Variants in ERC2 observed in about 807,000 individuals in gnomAD.
ERC2 encodes the protein ELKS/RAB6-interacting/CAST family member 2, also known as ERC protein 2.
Under a neutral mutation model 114.8 loss-of-function variants are expected in ERC2, and 42 were observed. The ratio of observed to expected loss-of-function variants is 0.37; its 90% confidence interval spans 0.29 to 0.47. The LOEUF is 0.47. Among genes scored for constraint, ERC2 ranks in the 20% least tolerant of loss-of-function variants. ERC2 has a pLI of 0.99. For missense variants in ERC2, 939 were observed against 1,150.7 expected (o/e 0.82, Z 2.66); for synonymous variants, 454 against 425.5 (o/e 1.07, Z -0.82).
intron 7 of ERC2, among the ~76,000 whole-genome samples, chr3:56,067,707 A>G (rs1384496942): frequency 6.6e-6 from 1 of 152,170 alleles, no homozygotes; most frequent in African/African-American, 2.4e-5. Context: ...ATTTTGAGAT[A>G]TGTTCCACCA....
intron 2 of ERC2, among the ~76,000 whole-genome samples, chr3:56,333,667 C>T (rs1489430666): frequency 1.3e-5 from 2 of 152,044 alleles, no homozygotes; most frequent in African/African-American, 4.8e-5. Context: ...TCATTTTCTT[C>T]TTTATATATT....
intron 17 of ERC2, among the ~76,000 whole-genome samples, chr3:55,646,135 T>C (rs1461544796): frequency 6.6e-6 from 1 of 152,220 alleles, no homozygotes; most frequent in African/African-American, 2.4e-5. Flanking sequence ...TGCAATTCTG[T>C]AATAGTGAAT....
intron 17 of ERC2, among the ~76,000 whole-genome samples, chr3:55,641,619 T>C (rs942059593): frequency 2.0e-5 from 3 of 149,412 alleles, no homozygotes; most frequent in South Asian, 2.1e-4. Flanking sequence ...ATAGTTTGAA[T>C]TGATGCAAGA....
rs570568843 is a variant in ERC2 at position 55,564,201 on chromosome 3, T to A, written c.*40-52925A>T. Among the ~76,000 whole-genome samples, 4 of 152,254 alleles carry A rather than the reference T, an allele frequency of 2.6e-5. No homozygotes were observed. The South Asian group carries it at 6.2e-4, about 24-fold the overall frequency. Reference sequence around the variant, plus strand: ...GCCTGATGTTTTGAAGACGGAGAGATCTGTTATTATTTGGAACTAGGAAGG... The same window carrying A: ...GCCTGATGTTTTGAAGACGGAGAGAACTGTTATTATTTGGAACTAGGAAGG... On this transcript the variant is annotated intron_variant, in intron 17 of 17. Coordinates refer to ENST00000288221, the MANE Select transcript of ERC2 (RefSeq NM_015576.3).
intron 13 of ERC2, among the ~76,000 whole-genome samples, chr3:55,915,710 T>G (rs1268951650): frequency 6.6e-6 from 1 of 152,130 alleles, no homozygotes; most frequent in Admixed American, 6.5e-5. Context: ...TCACTAGTAG[T>G]ACATGTATAC....
intron 3 of ERC2, among the ~76,000 whole-genome samples, chr3:56,207,042 G>C (rs2048776380): frequency 6.6e-6 from 1 of 152,164 alleles, no homozygotes; most frequent in Non-Finnish European, 1.5e-5. Flanking sequence ...GAGAGGTAAA[G>C]CATTTAGAAT....
chr3:56,259,004 G>C (rs1430132256), intron 3 of ERC2, among the ~76,000 whole-genome samples: 1 of 110,412 alleles, frequency 9.1e-6, no homozygotes, highest in Non-Finnish European at 1.9e-5. Context: ...ACTGAGTTTT[G>C]CTCTTGTTGC....
At chr3:56,030,873 C>T (rs534240951) in intron 7 of ERC2, among the ~76,000 whole-genome samples, 75 of 152,256 alleles carry the variant, frequency 4.9e-4, no homozygotes, top group African/African-American at 1.8e-3. Context: ...GTCAGCCCTT[C>T]CTGAATCCCA....
intron 10 of ERC2, among the ~76,000 whole-genome samples, chr3:55,993,680 C>CA (rs138895783): frequency 0.18 from 26,027 of 145,436 alleles, 2,444 homozygotes; most frequent in South Asian, 0.25. Flanking sequence ...CTCAATTACA[C>CA]AAAAAAAAAA....
intron 14 of ERC2, among the ~76,000 whole-genome samples, chr3:55,829,001 C>G (rs2060456476): frequency 6.6e-6 from 1 of 152,014 alleles, no homozygotes; most frequent in Non-Finnish European, 1.5e-5. Flanking sequence ...TGTGATGGGA[C>G]ATGCCTGCAG....
chr3:56,446,625 C>CTTTTTTTTTTTTTTTTTTTTTTT (rs1318263302), intron 1 of ERC2, among the ~76,000 whole-genome samples: 1 of 112,360 alleles, frequency 8.9e-6, no homozygotes, highest in Non-Finnish European at 1.8e-5. Context: ...TTTTTTTTTT[C>CTTTTTTTTTTTTTTTTTTTTTTT]TTTCTTTTTT....
intron 13 of ERC2, among the ~76,000 whole-genome samples, chr3:55,926,408 T>G (rs1487468697): frequency 3.6e-5 from 1 of 27,790 alleles, no homozygotes; most frequent in Non-Finnish European, 6.9e-5. Flanking sequence ...TTTTTGTTTT[T>G]TGTTTTTAAA....
intron 4 of ERC2, among the ~76,000 whole-genome samples, chr3:56,172,481 T>C (rs1172554541): frequency 6.6e-6 from 1 of 152,218 alleles, no homozygotes; most frequent in Non-Finnish European, 1.5e-5. Flanking sequence ...TGGGGGCAGA[T>C]AATTCAAAAT....
chr3:55,824,449 A>G (rs1331671635), intron 14 of ERC2, among the ~76,000 whole-genome samples: 1 of 152,224 alleles, frequency 6.6e-6, no homozygotes, highest in Non-Finnish European at 1.5e-5. Context: ...ATGAGTAAGA[A>G]AAAAACTCCT....
chr3:55,548,849 G>A (rs1382692956), intron 17 of ERC2, among the ~76,000 whole-genome samples: 1 of 152,166 alleles, frequency 6.6e-6, no homozygotes, highest in Non-Finnish European at 1.5e-5. Flanking sequence ...CAACTAAAGA[G>A]ACAGCCACCA....
rs115390492 is a variant in ERC2 at position 55,924,560 on chromosome 3, C to T, written c.2403+25865G>A. Among the ~76,000 whole-genome samples, 934 of 152,026 alleles carry T rather than the reference C, an allele frequency of 6.1e-3. 16 individuals are homozygous for T. The highest frequency in any genetic ancestry group is 0.021 in the African/African-American group (867 of 41,452). ...CACCTGAGCATCACCTTCCTCTCTC[C>T]GCAAAAATCCTGTGGACCCAGATAT... On this transcript the variant is annotated intron_variant, in intron 13 of 17. Transcript: ENST00000288221.
At chr3:56,304,279 T>C (rs988542362) in intron 2 of ERC2, among the ~76,000 whole-genome samples, 1 of 152,146 alleles carries the variant, frequency 6.6e-6, no homozygotes, top group African/African-American at 2.4e-5. Flanking sequence ...TGAGTACACA[T>C]AGGAAATATT....
intron 12 of ERC2, among the ~76,000 whole-genome samples, chr3:55,958,322 G>A (rs1468324749): frequency 5.3e-5 from 8 of 152,194 alleles, no homozygotes; most frequent in Non-Finnish European, 8.8e-5. Context: ...GAATCTGGAT[G>A]AGTCCAGGGT....
At chr3:55,768,467 G>A (rs965300632) in intron 14 of ERC2, among the ~76,000 whole-genome samples, 13 of 152,184 alleles carry the variant, frequency 8.5e-5, no homozygotes, top group African/African-American at 2.9e-4. Context: ...AATTCAAAGT[G>A]TCATAAGAGA....
Sources: allele counts gnomAD v4.1 joint callset (sites outside exome capture counted in the v4.1 genomes callset), GRCh38; gene constraint gnomAD v4.1.1; transcripts MANE v1.5; gene names NCBI Gene and HGNC (gene_info 2026-07-23, HGNC 2026-07-21).